Variants in FAAH2 observed in about 807,000 individuals in gnomAD.
FAAH2 encodes the protein fatty acid amide hydrolase 2.
A neutral mutation model predicts 36.9 loss-of-function variants in FAAH2; 60 were observed. That is an observed-to-expected ratio of 1.63 (90% CI 1.32 to 2.02). The LOEUF (loss-of-function observed/expected upper bound fraction) is 2.02. FAAH2 is among the 30% of genes most tolerant of loss of function. The probability of loss-of-function intolerance (pLI) is 0.00; values close to 1 mark genes in which losing one functional copy is unlikely to be tolerated. For synonymous variants in FAAH2, 214 were observed against 143.8 expected, an observed-to-expected ratio of 1.49 and a Z score of -3.49; for missense variants, 689 against 397.5, an observed-to-expected ratio of 1.73 and a Z score of -6.23.
intron 7 of FAAH2, chrX:57,394,009 C>A: frequency 2.7e-6 from 2 of 753,478 alleles, no homozygotes; most frequent in Non-Finnish European, 4.2e-6. Context: ...CTGATGGCAC[C>A]AAATGAGTAA....
intron 8 of FAAH2, among the ~76,000 whole-genome samples, chrX:57,446,611 G>A (rs2056680079): frequency 9.0e-6 from 1 of 111,704 alleles, no homozygotes; most frequent in African/African-American, 3.3e-5. Context: ...AAGTAACCAA[G>A]AATCTACTTT....
intron 7 of FAAH2, among the ~76,000 whole-genome samples, chrX:57,411,461 C>T (rs1412862694): frequency 4.6e-5 from 5 of 109,865 alleles, no homozygotes. Context: ...CGTGTGGGGT[C>T]CTCAGGTAAG....
At chrX:57,471,212 T>A (rs2057158810) in intron 10 of FAAH2, among the ~76,000 whole-genome samples, 1 of 111,505 alleles carries the variant, frequency 9.0e-6, no homozygotes, top group Admixed American at 9.6e-5. Flanking sequence ...CTCTCACCAT[T>A]CCTATTCAAC....
At chrX:57,361,649 A>T (rs764235797) in intron 5 of FAAH2, among the ~76,000 whole-genome samples, 55 of 111,376 alleles carry the variant, frequency 4.9e-4, no homozygotes, top group African/African-American at 1.8e-3. Context: ...CAAAGAAGAT[A>T]TGTGATATTA....
the FAAH2 span, among the ~76,000 whole-genome samples, chrX:57,138,419 A>ATT: frequency 1.8e-5 from 2 of 109,332 alleles, no homozygotes; most frequent in Non-Finnish European, 3.8e-5. Context: ...ATAATATTTT[A>ATT]TTATATATAT....
At chrX:57,453,381 C>G (rs1347094645) in intron 10 of FAAH2, among the ~76,000 whole-genome samples, 2 of 112,800 alleles carry the variant, frequency 1.8e-5, no homozygotes, top group Non-Finnish European at 3.7e-5. Flanking sequence ...CACTTGTAGC[C>G]AGCAGGCCAT....
At chrX:57,166,419 C>A in the FAAH2 span, among the ~76,000 whole-genome samples, 1 of 111,722 alleles carries the variant, frequency 9.0e-6, no homozygotes, top group Non-Finnish European at 1.9e-5. Context: ...ACACACCCAC[C>A]CTAGATGCTG....
chrX:57,383,299 C>T (rs1602480939), intron 7 of FAAH2, among the ~76,000 whole-genome samples: 1 of 111,946 alleles, frequency 8.9e-6, no homozygotes, highest in Non-Finnish European at 1.9e-5. Context: ...CACTCCTATG[C>T]AACATAGTGT....
At chrX:57,345,121 A>AT (rs201155425) in intron 5 of FAAH2, among the ~76,000 whole-genome samples, 1,839 of 95,010 alleles carry the variant, frequency 0.019, 12 homozygotes, top group Non-Finnish European at 0.023. Flanking sequence ...CCTCTCCTCA[A>AT]TTTTTTTTTT....
At chrX:57,246,444 T>A in the FAAH2 span, among the ~76,000 whole-genome samples, 5 of 111,539 alleles carry the variant, frequency 4.5e-5, no homozygotes, top group African/African-American at 1.3e-4. Flanking sequence ...CAGGCCAATA[T>A]CCCTGAGGAA....
At chrX:57,245,869 C>T in the FAAH2 span, among the ~76,000 whole-genome samples, 1 of 111,385 alleles carries the variant, frequency 9.0e-6, no homozygotes, top group Admixed American at 9.5e-5. Flanking sequence ...CAAGAAATAA[C>T]TAAGATCAGA....
the FAAH2 span, among the ~76,000 whole-genome samples, chrX:57,278,944 G>A: frequency 9.0e-6 from 1 of 111,697 alleles, no homozygotes; most frequent in Non-Finnish European, 1.9e-5. Flanking sequence ...TCATTAAAAC[G>A]TCGGGAAACA....
At chrX:57,250,950 A>G in the FAAH2 span, among the ~76,000 whole-genome samples, 8 of 111,849 alleles carry the variant, frequency 7.2e-5, no homozygotes, top group African/African-American at 2.6e-4. Context: ...ATTAAAATCT[A>G]TCTTCTCAAA....
At chrX:57,417,464 C>T (rs900632379) in intron 7 of FAAH2, among the ~76,000 whole-genome samples, 11 of 111,775 alleles carry the variant, frequency 9.8e-5, no homozygotes, top group African/African-American at 3.6e-4. Context: ...GTTTGTTAGT[C>T]TATTTTCTAA....
chrX:57,429,492 A>G (rs777422148), intron 7 of FAAH2, among the ~76,000 whole-genome samples: 10 of 112,222 alleles, frequency 8.9e-5, no homozygotes, highest in East Asian at 2.8e-4. Context: ...TAGCTATTGT[A>G]TTACACCACA....
At chrX:57,316,056 C>T (rs1172227170) in intron 3 of FAAH2, among the ~76,000 whole-genome samples, 2 of 111,494 alleles carry the variant, frequency 1.8e-5, no homozygotes, top group Admixed American at 9.6e-5. Flanking sequence ...AGCAAGGTTT[C>T]AGAATACAAA....
intron 3 of FAAH2, among the ~76,000 whole-genome samples, chrX:57,314,146 G>T (rs1215478823): frequency 9.0e-6 from 1 of 111,414 alleles, no homozygotes; most frequent in African/African-American, 3.3e-5. Flanking sequence ...ACAAAGAAGG[G>T]CATTATATAA....
chrX:57,348,725 G>A (rs776018380), intron 5 of FAAH2, among the ~76,000 whole-genome samples: 8 of 111,222 alleles, frequency 7.2e-5, no homozygotes, highest in South Asian at 7.5e-4. Flanking sequence ...TGCTGCATGC[G>A]TCTTGAGCCA....
intron 7 of FAAH2, among the ~76,000 whole-genome samples, chrX:57,424,553 A>T (rs1318538719): frequency 8.9e-6 from 1 of 111,877 alleles, no homozygotes; most frequent in Non-Finnish European, 1.9e-5. Flanking sequence ...ACAGGAGAAC[A>T]TAAGCCTATT....
Sources: allele counts gnomAD v4.1 joint callset (sites outside exome capture counted in the v4.1 genomes callset), GRCh38; gene constraint gnomAD v4.1.1; transcripts MANE v1.5; gene names NCBI Gene and HGNC (gene_info 2026-07-23, HGNC 2026-07-21).